Variants in AKAP6 observed in about 807,000 individuals in gnomAD.
AKAP6 encodes A-kinase anchoring protein 6.
Under a neutral mutation model 188.5 loss-of-function variants are expected in AKAP6, and 58 were observed. The ratio of observed to expected loss-of-function variants is 0.31; its 90% CI spans 0.25 to 0.38. The LOEUF (loss-of-function observed/expected upper bound fraction) is 0.38, where lower values mean the gene tolerates loss of function less well. Ranked by LOEUF, AKAP6 falls within the 10% of genes least tolerant of loss-of-function variation. AKAP6 has a pLI of 1.00. For missense variants in AKAP6, 2,710 were observed against 2,740.0 expected (o/e 0.99, Z 0.24); for synonymous variants, 989 against 998.6 (o/e 0.99, Z 0.18).
chr14:32,441,554 G>T (rs540310421), intron 2 of AKAP6, among the ~76,000 whole-genome samples: 1 of 152,230 alleles, frequency 6.6e-6, no homozygotes, highest in African/African-American at 2.4e-5. Flanking sequence ...TCATGATTTG[G>T]GGAGATGATA....
intron 9 of AKAP6, among the ~76,000 whole-genome samples, chr14:32,709,718 A>T (rs532460026): frequency 3.9e-5 from 6 of 152,182 alleles, no homozygotes; most frequent in African/African-American, 1.4e-4. Context: ...CCCTTTCCTG[A>T]AAGTCTTCTT....
chr14:32,352,100 TGTTTGTGTGTGTG>T (rs1887299189), intron 1 of AKAP6, among the ~76,000 whole-genome samples: 2 of 116,796 alleles, frequency 1.7e-5, no homozygotes, highest in African/African-American at 7.4e-5. Context: ...TGTGTGTGTG[TGTTTGTGTGTGTG>T]TGTGTGTGTG....
Position 32,636,249 on chromosome 14 carries a change from A to G in AKAP6, c.2730+35457A>G, listed in dbSNP as rs1001962226. Among the ~76,000 whole-genome samples the G allele has an allele frequency of 3.9e-5, 6 of 152,124 alleles. No individual in the cohort carries two copies. In the East Asian group the frequency reaches 9.6e-4, roughly 24 times the overall value. On this transcript the variant is annotated intron_variant, in intron 7 of 13. Transcript: ENST00000280979. ...AATCAAATTGCTTGCCCATCAGAAC[A>G]AGCAAATGATGTCTGTTTTACTCCA...
intron 1 of AKAP6, among the ~76,000 whole-genome samples, chr14:32,423,514 A>G (rs1889924236): frequency 6.6e-6 from 1 of 152,122 alleles, no homozygotes; most frequent in African/African-American, 2.4e-5. Flanking sequence ...TTTGTAGAAT[A>G]CTTATTAACA....
rs1883168055 is a variant in AKAP6, at chr14:32,545,756, C to T, written c.1103C>T (p.Thr368Ile). 6.2e-7 allele frequency: 1 copy of T among 1,614,044 alleles called. No individual in the cohort carries two copies. The highest frequency in any genetic ancestry group is 1.1e-5 in the South Asian group (1 of 91,094). The change falls in exon 4 of 14, where the codon ACC becomes ATC. Residue 368 changes from threonine to isoleucine, a missense_variant. By Grantham distance (89) the Thr-to-Ile change is moderately conservative (BLOSUM62 -1). This residue lies in a region of AKAP6 where 2,473 missense variants were observed against 2,426.1 expected (regional missense o/e 1.02). Coordinates refer to ENST00000280979, the MANE Select transcript of AKAP6 (RefSeq NM_004274.5). Reference sequence around the variant, plus strand: ...CAGCCTGTTCCTTGTGAAAATGCAACCCCCAAACGAACCATCAGAGATTGC... The same window carrying T: ...CAGCCTGTTCCTTGTGAAAATGCAATCCCCAAACGAACCATCAGAGATTGC... ...NQQPVPCENA[T>I]PKRTIRDCFN...
At chr14:32,527,859 C>A (rs1882210360) in intron 2 of AKAP6, among the ~76,000 whole-genome samples, 1 of 152,096 alleles carries the variant, frequency 6.6e-6, no homozygotes, top group Non-Finnish European at 1.5e-5. Context: ...AATGATCCTT[C>A]ATAAGTCTTT....
intron 12 of AKAP6, among the ~76,000 whole-genome samples, chr14:32,800,320 C>G (rs571804932): frequency 3.5e-4 from 53 of 151,326 alleles, no homozygotes; most frequent in African/African-American, 1.2e-3. Context: ...GAGGATTGCT[C>G]AAGCCTAGGA....
chr14:32,629,729 T>A (rs1272270492), intron 7 of AKAP6, among the ~76,000 whole-genome samples: 2 of 151,440 alleles, frequency 1.3e-5, no homozygotes, highest in African/African-American at 2.4e-5. Flanking sequence ...CCTGGATTTT[T>A]AAATATAACT....
At chr14:32,460,014 T>C (rs1566515756) in intron 2 of AKAP6, among the ~76,000 whole-genome samples, 1 of 152,034 alleles carries the variant, frequency 6.6e-6, no homozygotes, top group Non-Finnish European at 1.5e-5. Context: ...ACCATACAAC[T>C]CTTGACAAAA....
intron 9 of AKAP6, among the ~76,000 whole-genome samples, chr14:32,719,156 C>G (rs990933531): frequency 4.8e-5 from 7 of 145,754 alleles, no homozygotes; most frequent in African/African-American, 1.7e-4. Flanking sequence ...ATTAAAAATA[C>G]TCTGCCAAAA....
chr14:32,492,399 C>CATAT (rs375239872), intron 2 of AKAP6, among the ~76,000 whole-genome samples: 3 of 128,858 alleles, frequency 2.3e-5, no homozygotes, highest in African/African-American at 8.2e-5. Flanking sequence ...TGGATACATG[C>CATAT]ATATATATAT....
At chr14:32,573,731 A>AT (rs572522238) in intron 4 of AKAP6, among the ~76,000 whole-genome samples, 3 of 152,070 alleles carry the variant, frequency 2.0e-5, no homozygotes, top group African/African-American at 7.2e-5. Flanking sequence ...TAATTTTTAA[A>AT]TTTTTTTTCC....
At chr14:32,387,018 G>T (rs1888556311) in intron 1 of AKAP6, among the ~76,000 whole-genome samples, 1 of 151,942 alleles carries the variant, frequency 6.6e-6, no homozygotes, top group Non-Finnish European at 1.5e-5. Context: ...GCCTTACAGT[G>T]TAGTTTGAAA....
At chr14:32,597,080 T>C (rs1383190487) in intron 5 of AKAP6, among the ~76,000 whole-genome samples, 1 of 152,242 alleles carries the variant, frequency 6.6e-6, no homozygotes, top group Non-Finnish European at 1.5e-5. Flanking sequence ...TTCCTAATAA[T>C]GAATACCTCA....
At chr14:32,347,427 G>C (rs145098682) in intron 1 of AKAP6, among the ~76,000 whole-genome samples, 233 of 152,288 alleles carry the variant, frequency 1.5e-3, no homozygotes, top group Middle Eastern at 0.014. Context: ...ATTGTTGCCT[G>C]ACACACACAC....
intron 1 of AKAP6, among the ~76,000 whole-genome samples, chr14:32,418,592 TA>T (rs936849064): frequency 2.0e-4 from 31 of 152,066 alleles, no homozygotes; most frequent in African/African-American, 7.2e-4. Flanking sequence ...ACCTAAATTT[TA>T]AAAAAAATCT....
rs761583980 is a variant in AKAP6, at chr14:32,821,442, A to G, written c.3629A>G (p.Asn1210Ser). 2.5e-6 allele frequency: 4 copies of G among 1,613,148 alleles called. No homozygotes were observed. The South Asian group carries it at 3.3e-5, about 13-fold the overall frequency. ...ATTGATCCTGGCTTGATGGACCTAA[A>G]TGGGATGAGTGAGGATGCCCTGGAA... ...NVIDPGLMDL[N>S]GMSEDALEWD... The change falls in exon 13 of 14, where the codon AAT becomes AGT. Residue 1210 changes from asparagine to serine, a missense_variant. Transcript: ENST00000280979.
At chr14:32,582,515 G>T (rs1252938333) in intron 5 of AKAP6, among the ~76,000 whole-genome samples, 1 of 152,084 alleles carries the variant, frequency 6.6e-6, no homozygotes, top group Non-Finnish European at 1.5e-5. Context: ...GGCGTTCTCT[G>T]TATTTCCTGA....
chr14:32,717,760 C>A (rs992333356), intron 9 of AKAP6, among the ~76,000 whole-genome samples: 2 of 152,002 alleles, frequency 1.3e-5, no homozygotes, highest in African/African-American at 4.8e-5. Context: ...TTAGTTTATA[C>A]CAACAAATTT....
Sources: allele counts gnomAD v4.1 joint callset (sites outside exome capture counted in the v4.1 genomes callset), GRCh38; gene constraint gnomAD v4.1.1; regional missense constraint gnomAD v4.1.1; transcripts MANE v1.5; gene names NCBI Gene and HGNC (gene_info 2026-07-23, HGNC 2026-07-21).